Variants in DLGAP2 observed in about 807,000 individuals in gnomAD.
The protein encoded by DLGAP2 is DLG associated protein 2.
In DLGAP2, 26 loss-of-function variants were observed where a neutral mutation model predicts 100.3. The observed-to-expected ratio is 0.26, with a 90% confidence interval of 0.19 to 0.36. The LOEUF (loss-of-function observed/expected upper bound fraction) is 0.36. Ranked by LOEUF, DLGAP2 falls within the 10% of genes least tolerant of loss-of-function variation. DLGAP2 has a pLI of 1.00. For missense variants in DLGAP2, 1,858 were observed against 1,453.2 expected (o/e 1.28, Z -4.53); for synonymous variants, 886 against 630.1 (o/e 1.41, Z -6.08).
At chr8:828,404 G>A (rs1198030054) in intron 1 of DLGAP2, among the ~76,000 whole-genome samples, 1 of 152,198 alleles carries the variant, frequency 6.6e-6, no homozygotes, top group Non-Finnish European at 1.5e-5. Flanking sequence ...AAGGAATTCA[G>A]CGATATTTCT....
At chr8:1,434,536 G>T (rs1199594179) in intron 3 of DLGAP2, among the ~76,000 whole-genome samples, 1 of 152,104 alleles carries the variant, frequency 6.6e-6, no homozygotes. Flanking sequence ...GAGGGCAGTG[G>T]TACAATCTTG....
At chr8:776,482 G>C (rs913914450) in intron 1 of DLGAP2, among the ~76,000 whole-genome samples, 5 of 152,128 alleles carry the variant, frequency 3.3e-5, no homozygotes, top group Non-Finnish European at 5.9e-5. Context: ...TCTCTTGTGG[G>C]CATTTAGTGC....
chr8:832,413 G>C (rs1270426511), intron 1 of DLGAP2, among the ~76,000 whole-genome samples: 1 of 152,204 alleles, frequency 6.6e-6, no homozygotes, highest in Non-Finnish European at 1.5e-5. Context: ...AAGTGATCCA[G>C]TTTCCAGCTG....
chr8:977,385 G>A (rs1357768811), intron 2 of DLGAP2, among the ~76,000 whole-genome samples: 2 of 152,356 alleles, frequency 1.3e-5, no homozygotes, highest in South Asian at 2.1e-4. Context: ...ATGTGCAAAT[G>A]AGTGGATTAG....
chr8:1,414,838 A>G (rs534028918), intron 3 of DLGAP2, among the ~76,000 whole-genome samples: 68 of 152,228 alleles, frequency 4.5e-4, no homozygotes, highest in Non-Finnish European at 8.2e-4. Flanking sequence ...GCAAAACCCC[A>G]TGTCTACTAA....
intron 3 of DLGAP2, among the ~76,000 whole-genome samples, chr8:1,467,556 G>T (rs1374830128): frequency 1.3e-5 from 2 of 152,182 alleles, no homozygotes; most frequent in Non-Finnish European, 2.9e-5. Context: ...TTGCTGAGTG[G>T]ATGGGAGACC....
At chr8:818,740 G>C (rs1796532016) in intron 1 of DLGAP2, among the ~76,000 whole-genome samples, 1 of 152,190 alleles carries the variant, frequency 6.6e-6, no homozygotes. Context: ...AGAAAATAAA[G>C]AGAAAATTCA....
chr8:1,043,627 A>T (rs1274250860), intron 2 of DLGAP2, among the ~76,000 whole-genome samples: 1 of 151,794 alleles, frequency 6.6e-6, no homozygotes, highest in Non-Finnish European at 1.5e-5. Flanking sequence ...GGGAAGGGGG[A>T]TGAAGGGGGA....
At chr8:1,495,282 C>A (rs182171085) in intron 3 of DLGAP2, among the ~76,000 whole-genome samples, 1 of 152,172 alleles carries the variant, frequency 6.6e-6, no homozygotes, top group East Asian at 2.0e-4. Context: ...TGCCAGCGTG[C>A]CAGGGCTGGC....
chr8:1,564,400 G>C (rs1802310268), intron 5 of DLGAP2, among the ~76,000 whole-genome samples: 2 of 152,182 alleles, frequency 1.3e-5, no homozygotes, highest in African/African-American at 4.8e-5. Flanking sequence ...CCCTCAGAGA[G>C]ACACGTAACG....
chr8:1,261,787 C>CT (rs1799355921), intron 3 of DLGAP2, among the ~76,000 whole-genome samples: 1 of 152,238 alleles, frequency 6.6e-6, no homozygotes. Context: ...AGTAATTAGT[C>CT]TAAGTGAGAG....
At chr8:1,668,751 C>T in intron 9 of DLGAP2, 73 bp downstream of exon 9, 1 of 1,349,032 alleles carries the variant, frequency 7.4e-7, no homozygotes, top group East Asian at 2.5e-5. Flanking sequence ...AAGCCAAAAC[C>T]CAACCAGCGG....
intron 3 of DLGAP2, among the ~76,000 whole-genome samples, chr8:1,388,044 C>T (rs188138948): frequency 3.9e-5 from 6 of 152,348 alleles, no homozygotes; most frequent in East Asian, 3.9e-4. Flanking sequence ...GCAGCCAGTG[C>T]GTGCGGGCTG....
intron 1 of DLGAP2, among the ~76,000 whole-genome samples, chr8:814,262 T>C (rs144289443): frequency 6.6e-6 from 1 of 152,228 alleles, no homozygotes; most frequent in African/African-American, 2.4e-5. Context: ...CCAGGTTGTG[T>C]AGTGCATAAG....
chr8:1,343,334 G>A lies in DLGAP2; in HGVS notation c.106+84451G>A, dbSNP rs74356841. 8.8e-3 allele frequency among the ~76,000 whole-genome samples: 1,334 copies of A among 152,266 alleles called. 8 individuals are homozygous for A. Among genetic ancestry groups the A allele is most frequent in the South Asian group, 0.025 (121 of 4,822 alleles). ...CACAGGCAGTGCTTAATGTCCCACC[G>A]GTGACATACATAGGACAAGACTCAC... On this transcript the variant is annotated intron_variant, in intron 3 of 14. Transcript: ENST00000637795.
At chr8:915,106 G>A (rs982059144) in intron 2 of DLGAP2, among the ~76,000 whole-genome samples, 4 of 152,230 alleles carry the variant, frequency 2.6e-5, no homozygotes, top group African/African-American at 9.6e-5. Flanking sequence ...TTCGGGCAAA[G>A]CCTCCCATTG....
At chr8:1,572,360 A>C (rs1264889041) in intron 6 of DLGAP2, among the ~76,000 whole-genome samples, 1 of 80,394 alleles carries the variant, frequency 1.2e-5, no homozygotes, top group Non-Finnish European at 2.6e-5. Context: ...TGGAGAGGAG[A>C]GAGGGTGAAC....
intron 4 of DLGAP2, among the ~76,000 whole-genome samples, chr8:1,524,026 G>T (rs1800706827): frequency 6.6e-6 from 1 of 152,212 alleles, no homozygotes; most frequent in African/African-American, 2.4e-5. Context: ...TGTGCTGTGT[G>T]TGCTTCCAAA....
intron 3 of DLGAP2, among the ~76,000 whole-genome samples, chr8:1,309,837 G>A (rs963114829): frequency 2.2e-4 from 34 of 152,240 alleles, no homozygotes; most frequent in African/African-American, 8.2e-4. Context: ...GCTGACGCCT[G>A]TAATCCCAGC....
Sources: allele counts gnomAD v4.1 joint callset (sites outside exome capture counted in the v4.1 genomes callset), GRCh38; gene constraint gnomAD v4.1.1; transcripts MANE v1.5; gene names NCBI Gene and HGNC (gene_info 2026-07-23, HGNC 2026-07-21).